CORO1C: variants seen among roughly 807,000 people sequenced by gnomAD.
CORO1C encodes coronin 1C.
Under a neutral mutation model 51.2 loss-of-function variants are expected in CORO1C, and 14 were observed. That is an observed-to-expected ratio of 0.27 (90% CI 0.18 to 0.43). The LOEUF is 0.43. Ranked by LOEUF, CORO1C falls within the 20% of genes least tolerant of loss-of-function variation. CORO1C has a pLI of 1.00. For missense variants in CORO1C, 417 were observed against 607.8 expected (o/e 0.69, Z 3.30); for synonymous variants, 181 against 210.5 (o/e 0.86, Z 1.21).
intron 1 of CORO1C, among the ~76,000 whole-genome samples, chr12:108,721,920 A>G (rs1196816570): frequency 1.3e-5 from 2 of 150,286 alleles, no homozygotes; most frequent in Non-Finnish European, 3.0e-5. Flanking sequence ...AATGGAAAAG[A>G]AAAAAAAAAG....
At position 108,714,597 on chromosome 12, in the gene CORO1C, C is replaced by T. The variant is rs190279133; in HGVS notation, c.-5-13274G>A. 2.3e-3 allele frequency among the ~76,000 whole-genome samples: 348 copies of T among 150,714 alleles called. 2 individuals are homozygous for T. Among genetic ancestry groups the T allele is most frequent in the African/African-American group, 7.9e-3 (324 of 40,958 alleles). On this transcript the variant is annotated intron_variant, in intron 1 of 10. Coordinates refer to ENST00000261401, the MANE Select transcript of CORO1C (RefSeq NM_014325.4). ...GCAACATGGCAAAACTCCATCTCTA[C>T]CAAAAATACAAAAAATTAGCCGGGC...
intron 1 of CORO1C, among the ~76,000 whole-genome samples, chr12:108,721,210 A>C (rs2035465942): frequency 6.6e-6 from 1 of 152,218 alleles, no homozygotes; most frequent in African/African-American, 2.4e-5. Context: ...TAACCAAACT[A>C]TATTTACATT....
chr12:108,679,623 C>T (rs763984479), intron 2 of CORO1C, among the ~76,000 whole-genome samples: 3 of 152,136 alleles, frequency 2.0e-5, no homozygotes, highest in Non-Finnish European at 4.4e-5. Flanking sequence ...GCAAATCATC[C>T]CAACACTGGA....
chr12:108,689,032 GAAAAAA>G, intron 2 of CORO1C, among the ~76,000 whole-genome samples: 1 of 110,356 alleles, frequency 9.1e-6, no homozygotes. Context: ...CTCTGTCTCA[GAAAAAA>G]AAAAAAAAAA....
chr12:108,648,203 C>T (rs1208913000), intron 10 of CORO1C, among the ~76,000 whole-genome samples: 2 of 152,144 alleles, frequency 1.3e-5, no homozygotes, highest in Non-Finnish European at 2.9e-5. Flanking sequence ...TTCCAGGGAC[C>T]TCCTCTCCCT....
chr12:108,663,364 C>A (rs1458043374), intron 3 of CORO1C, among the ~76,000 whole-genome samples: 1 of 152,186 alleles, frequency 6.6e-6, no homozygotes, highest in Non-Finnish European at 1.5e-5. Flanking sequence ...TGTGTCTATG[C>A]AAAAACTTGT....
chr12:108,675,480 T>G (rs889761667), intron 3 of CORO1C, among the ~76,000 whole-genome samples: 1 of 151,838 alleles, frequency 6.6e-6, no homozygotes, highest in Non-Finnish European at 1.5e-5. Context: ...GACTTCAAAA[T>G]GAAAGGAACG....
chr12:108,689,529 T>C (rs943279331), intron 2 of CORO1C, among the ~76,000 whole-genome samples: 1 of 152,198 alleles, frequency 6.6e-6, no homozygotes, highest in Admixed American at 6.5e-5. Context: ...GTTTCCCTTA[T>C]CTAATCCAAC....
At chr12:108,665,523 G>GA (rs1460611200) in intron 3 of CORO1C, among the ~76,000 whole-genome samples, 1 of 152,048 alleles carries the variant, frequency 6.6e-6, no homozygotes, top group Non-Finnish European at 1.5e-5. Flanking sequence ...CTATCAGACT[G>GA]AAAATCAAAG....
rs1296308845 is a variant in CORO1C, at chr12:108,645,840, A to AT, written c.*1562dup. 6.6e-6 allele frequency: 1 copy of AT among 152,228 alleles called. No homozygotes were observed. Among genetic ancestry groups the AT allele is most frequent in the African/African-American group, 2.4e-5 (1 of 41,438 alleles). 9.4% of individuals were successfully genotyped at this position (152,228 alleles called of 1,614,324 possible). ...AATGGCACTACACATTTCACGTTCAATCACAGACAGCCCTTCCAAAACAGA... is the reference window on the plus strand; with the variant it reads ...AATGGCACTACACATTTCACGTTCAATTCACAGACAGCCCTTCCAAAACAGA... On this transcript the variant is annotated 3_prime_UTR_variant, in exon 11 of 11. Transcript: ENST00000261401.
intron 1 of CORO1C, among the ~76,000 whole-genome samples, chr12:108,710,701 C>T (rs954940071): frequency 2.6e-5 from 4 of 151,828 alleles, no homozygotes. Context: ...GTAGCTGGGA[C>T]AACAGGTGTG....
intron 2 of CORO1C, among the ~76,000 whole-genome samples, chr12:108,678,755 A>G (rs1273532912): frequency 6.7e-6 from 1 of 150,358 alleles, no homozygotes; most frequent in East Asian, 2.0e-4. Context: ...CCTTGGTATT[A>G]TTCAAAATGT....
chr12:108,723,947 A>G (rs991050773), intron 1 of CORO1C, among the ~76,000 whole-genome samples: 7 of 152,252 alleles, frequency 4.6e-5, no homozygotes, highest in African/African-American at 1.7e-4. Flanking sequence ...TAGTGCTCAG[A>G]TTATAAGACT....
chr12:108,648,875 G>A (rs1451700910), intron 9 of CORO1C, 25 bp from the exon 10 acceptor site: 2 of 1,613,498 alleles, frequency 1.2e-6, no homozygotes, highest in Admixed American at 1.7e-5. Context: ...TGGCACCCGT[G>A]GGTAAGGAAG....
intron 2 of CORO1C, among the ~76,000 whole-genome samples, chr12:108,695,975 A>G (rs1489061546): frequency 1.3e-5 from 2 of 152,198 alleles, no homozygotes; most frequent in African/African-American, 4.8e-5. Flanking sequence ...ACATAAATAA[A>G]GCAAGATCCC....
intron 3 of CORO1C, among the ~76,000 whole-genome samples, chr12:108,672,336 G>T (rs2033751054): frequency 6.6e-6 from 1 of 152,220 alleles, no homozygotes; most frequent in Admixed American, 6.5e-5. Context: ...ATTTTTAAAT[G>T]GAGGGATAAT....
At chr12:108,672,002 G>A (rs1323755992) in intron 3 of CORO1C, among the ~76,000 whole-genome samples, 2 of 152,044 alleles carry the variant, frequency 1.3e-5, no homozygotes, top group African/African-American at 2.4e-5. Context: ...GGCTCAACCC[G>A]TCCACCTGCC....
chr12:108,691,739 C>G (rs956895179), intron 2 of CORO1C, among the ~76,000 whole-genome samples: 3 of 152,182 alleles, frequency 2.0e-5, no homozygotes, highest in Non-Finnish European at 4.4e-5. Context: ...AGAGCCCTGT[C>G]AGGCCTGCGG....
At chr12:108,657,876 C>T (rs950224630) in intron 5 of CORO1C, among the ~76,000 whole-genome samples, 3 of 152,182 alleles carry the variant, frequency 2.0e-5, no homozygotes, top group Non-Finnish European at 4.4e-5. Flanking sequence ...CTAGGACAAC[C>T]CTTAGAAGAT....
Sources: allele counts gnomAD v4.1 joint callset (sites outside exome capture counted in the v4.1 genomes callset), GRCh38; gene constraint gnomAD v4.1.1; transcripts MANE v1.5; gene names NCBI Gene and HGNC (gene_info 2026-07-23, HGNC 2026-07-21).